PIBF1: variants seen among roughly 807,000 people sequenced by gnomAD.
The protein encoded by PIBF1 is progesterone-induced-blocking factor 1.
In PIBF1, 90 loss-of-function variants were observed where a neutral mutation model predicts 112.5. That is an observed-to-expected ratio of 0.80 (90% CI 0.67 to 0.95). The LOEUF (loss-of-function observed/expected upper bound fraction) is 0.95, where lower values mean the gene tolerates loss of function less well. Among genes scored for constraint, PIBF1 ranks in the 40% least tolerant of loss-of-function variants. The pLI, the probability that PIBF1 is intolerant of heterozygous loss-of-function variation, is 0.00. For missense variants in PIBF1, 915 were observed against 852.3 expected, an observed-to-expected ratio of 1.07 and a Z score of -0.92; for synonymous variants, 301 against 288.6, an observed-to-expected ratio of 1.04 and a Z score of -0.44.
chr13:72,988,664 A>G (rs1470737061), intron 16 of PIBF1, among the ~76,000 whole-genome samples: 1 of 152,194 alleles, frequency 6.6e-6, no homozygotes, highest in African/African-American at 2.4e-5. Flanking sequence ...ATTTTTAATC[A>G]TGTTAAATAG....
chr13:72,966,629 C>A (rs2042746442), intron 15 of PIBF1, among the ~76,000 whole-genome samples: 2 of 152,026 alleles, frequency 1.3e-5, no homozygotes, highest in African/African-American at 4.8e-5. Context: ...TATTTTTTGG[C>A]CAGGCGCAGT....
At chr13:72,789,880 T>A (rs1269206077) in intron 2 of PIBF1, among the ~76,000 whole-genome samples, 2 of 152,192 alleles carry the variant, frequency 1.3e-5, no homozygotes, top group Non-Finnish European at 2.9e-5. Flanking sequence ...TTTCAGATTT[T>A]AGGGTTTGGG....
intron 14 of PIBF1, among the ~76,000 whole-genome samples, chr13:72,953,160 G>C (rs1340288570): frequency 6.6e-6 from 1 of 152,144 alleles, no homozygotes. Context: ...GCACACTCCT[G>C]ACCTGCTGTT....
At chr13:72,917,220 A>C (rs2041134148) in intron 13 of PIBF1, 54 bp downstream of exon 13, 1 of 1,072,586 alleles carries the variant, frequency 9.3e-7, no homozygotes, top group African/African-American at 1.6e-5. Flanking sequence ...ATGTAATTAC[A>C]TTTGTGCTTT....
At chr13:72,837,146 C>T (rs2037398616) in intron 9 of PIBF1, among the ~76,000 whole-genome samples, 1 of 151,910 alleles carries the variant, frequency 6.6e-6, no homozygotes, top group African/African-American at 2.4e-5. Context: ...TAAAAATATG[C>T]TTTAGGCACC....
chr13:72,858,050 T>TGTGA, intron 10 of PIBF1, among the ~76,000 whole-genome samples: 1 of 151,760 alleles, frequency 6.6e-6, no homozygotes, highest in African/African-American at 2.4e-5. Context: ...TGTGTGTGTG[T>TGTGA]GTGTGTGTAT....
intron 10 of PIBF1, among the ~76,000 whole-genome samples, chr13:72,875,803 A>T (rs2039372017): frequency 6.6e-6 from 1 of 152,132 alleles, no homozygotes; most frequent in Non-Finnish European, 1.5e-5. Context: ...TATCTTGTTG[A>T]GTTTTAAAAG....
intron 9 of PIBF1, among the ~76,000 whole-genome samples, chr13:72,846,172 A>C (rs1344989542): frequency 6.6e-6 from 1 of 152,066 alleles, no homozygotes; most frequent in African/African-American, 2.4e-5. Flanking sequence ...TTCAGAAGCA[A>C]ATTTCTGTTC....
At chr13:72,869,625 TAAA>T (rs1491580429) in intron 10 of PIBF1, among the ~76,000 whole-genome samples, 1 of 118,216 alleles carries the variant, frequency 8.5e-6, no homozygotes, top group Non-Finnish European at 2.0e-5. Flanking sequence ...ATAATAATAA[TAAA>T]AAATAAATAA....
chr13:72,980,311 G>A (rs899533642), intron 16 of PIBF1, among the ~76,000 whole-genome samples: 20 of 152,128 alleles, frequency 1.3e-4, no homozygotes, highest in Admixed American at 3.3e-4. Context: ...TTTAAGGGAA[G>A]GGCATAGGAA....
At chr13:72,855,751 G>A (rs1359749293) in intron 10 of PIBF1, among the ~76,000 whole-genome samples, 1 of 152,064 alleles carries the variant, frequency 6.6e-6, no homozygotes, top group East Asian at 1.9e-4. Context: ...TAAAGCGTTT[G>A]TTTTATATTT....
intron 16 of PIBF1, among the ~76,000 whole-genome samples, chr13:72,987,205 C>T (rs368158131): frequency 4.0e-5 from 6 of 151,542 alleles, no homozygotes; most frequent in Admixed American, 2.0e-4. Context: ...AAAGTAGGCA[C>T]GTAAAACAGG....
At chr13:72,829,835 T>A (rs2037012338) in intron 8 of PIBF1, among the ~76,000 whole-genome samples, 1 of 152,148 alleles carries the variant, frequency 6.6e-6, no homozygotes, top group Non-Finnish European at 1.5e-5. Context: ...GGTAGCTTGA[T>A]GGGGGTAGCA....
At chr13:72,873,555 G>A (rs536077710) in intron 10 of PIBF1, among the ~76,000 whole-genome samples, 14 of 151,858 alleles carry the variant, frequency 9.2e-5, no homozygotes, top group Non-Finnish European at 1.3e-4. Context: ...GGCATGCGTC[G>A]CCACGCCCGG....
chr13:72,948,994 A>G (rs186370386), intron 14 of PIBF1, among the ~76,000 whole-genome samples: 22 of 152,326 alleles, frequency 1.4e-4, no homozygotes, highest in African/African-American at 4.3e-4. Context: ...CATATCAACA[A>G]GTATATCAAA....
At chr13:72,967,350 T>C (rs2042770509) in intron 15 of PIBF1, among the ~76,000 whole-genome samples, 1 of 152,212 alleles carries the variant, frequency 6.6e-6, no homozygotes, top group South Asian at 2.1e-4. Context: ...AACAAATTTA[T>C]TTGATTATTT....
chr13:72,888,683 T>C (rs2039946107), intron 10 of PIBF1, among the ~76,000 whole-genome samples: 1 of 151,556 alleles, frequency 6.6e-6, no homozygotes, highest in African/African-American at 2.4e-5. Context: ...ATGAAAAGAA[T>C]GAGGTATAGA....
chr13:72,814,507 T>C (rs1016288354), intron 5 of PIBF1, among the ~76,000 whole-genome samples: 7 of 151,440 alleles, frequency 4.6e-5, no homozygotes, highest in African/African-American at 1.7e-4. Context: ...ATAATAAATT[T>C]TAAGTACAGA....
intron 10 of PIBF1, among the ~76,000 whole-genome samples, chr13:72,891,364 T>G (rs1395969945): frequency 6.6e-6 from 1 of 152,188 alleles, no homozygotes; most frequent in Non-Finnish European, 1.5e-5. Flanking sequence ...GGTCTCTGTA[T>G]GTCCTAGTCT....
Sources: gnomAD v4.1 joint callset for allele counts (sites outside exome capture counted in the v4.1 genomes callset) on GRCh38, gnomAD v4.1.1 for gene constraint, MANE v1.5 for transcripts, NCBI Gene and HGNC (gene_info 2026-07-23, HGNC 2026-07-21) for gene names.